IPO11: variants seen among roughly 807,000 people sequenced by gnomAD.
IPO11 encodes the protein importin 11, also known as importin-11.
A neutral mutation model predicts 143.2 loss-of-function variants in IPO11; 66 were observed. The observed-to-expected ratio is 0.46, with a 90% CI of 0.38 to 0.57. The LOEUF (loss-of-function observed/expected upper bound fraction) is 0.57, where lower values mean the gene tolerates loss of function less well. Among genes scored for constraint, IPO11 ranks in the 20% least tolerant of loss-of-function variants. The pLI is 0.00. For missense variants in IPO11, 1,026 were observed against 1,141.0 expected, an observed-to-expected ratio of 0.90 and a Z score of 1.45; for synonymous variants, 385 against 377.8, an observed-to-expected ratio of 1.02 and a Z score of -0.22.
At chr5:62,506,197 T>C (rs1344633438) in intron 18 of IPO11, 44 bp from the exon 19 acceptor site, 1 of 1,093,152 alleles carries the variant, frequency 9.1e-7, no homozygotes, top group Non-Finnish European at 1.4e-6. Flanking sequence ...AGGTCTTTCA[T>C]TTCTATTATA....
chr5:62,614,425 A>G (rs1387361564), intron 29 of IPO11, among the ~76,000 whole-genome samples: 2 of 152,226 alleles, frequency 1.3e-5, no homozygotes. Context: ...CAGCATTGTC[A>G]TTACAGGACA....
In IPO11 at chr5:62,627,532, TGA is replaced by T; in HGVS notation, c.*216_*217del. On this transcript the variant is annotated 3_prime_UTR_variant, in exon 30 of 30. Transcript: ENST00000325324. ...TCAAAAGAATTTAATTTTATATTTA[TGA>T]GGGGGCCCTTCACTAAAAAGTACAT... 2.4e-6 allele frequency: 1 copy of T among 420,812 alleles called. No individual in the cohort carries two copies. Among genetic ancestry groups the T allele is most frequent in the Non-Finnish European group, 4.1e-6 (1 of 241,050 alleles). The allele number at this position is 420,812 out of a possible 1,614,324, so 26.1% of individuals were successfully genotyped here.
chr5:62,616,719 C>CAAAAAA lies in IPO11; in HGVS notation c.2764-10414_2764-10409dup, dbSNP rs538760503. Among the ~76,000 whole-genome samples the CAAAAAA allele has an allele frequency of 1.5e-3, 130 of 84,434 alleles. 8 individuals are homozygous for CAAAAAA. The highest frequency in any genetic ancestry group is 6.2e-3 in the African/African-American group (119 of 19,340). The allele number at this position is 84,434 out of a possible 152,430, so 55.4% of individuals were successfully genotyped here. Reference sequence around the variant, plus strand: ...TGGGGCACAGGGTGAGACTCTGACTCAAAAAAAAAAAAAAAAAAAAAAAAA... The same window carrying CAAAAAA: ...TGGGGCACAGGGTGAGACTCTGACTCAAAAAAAAAAAAAAAAAAAAAAAAAAAAAAA... On this transcript the variant is annotated intron_variant, in intron 29 of 29. Coordinates refer to ENST00000325324, the MANE Select transcript of IPO11 (RefSeq NM_016338.5).
At chr5:62,424,361 G>T (rs913493160) in intron 1 of IPO11, among the ~76,000 whole-genome samples, 2 of 151,870 alleles carry the variant, frequency 1.3e-5, no homozygotes, top group Non-Finnish European at 2.9e-5. Flanking sequence ...AGATGGTCTC[G>T]ATCTTGTGAC....
chr5:62,578,586 G>T, intron 27 of IPO11: 1 of 384,564 alleles, frequency 2.6e-6, no homozygotes, highest in South Asian at 2.1e-5. Flanking sequence ...TATATTATAG[G>T]AGATATTTCA....
At chr5:62,620,423 G>A (rs1009707069) in intron 29 of IPO11, among the ~76,000 whole-genome samples, 6 of 151,826 alleles carry the variant, frequency 4.0e-5, no homozygotes, top group Non-Finnish European at 8.8e-5. Flanking sequence ...GGAGGCTGAG[G>A]CAGGAGAATG....
chr5:62,547,893 T>G (rs1455452899), intron 24 of IPO11, among the ~76,000 whole-genome samples: 1 of 152,090 alleles, frequency 6.6e-6, no homozygotes, highest in Non-Finnish European at 1.5e-5. Context: ...ACTAGATAGA[T>G]ATATAAGGTT....
intron 5 of IPO11, among the ~76,000 whole-genome samples, chr5:62,455,073 T>C (rs904615896): frequency 6.6e-6 from 1 of 152,182 alleles, no homozygotes; most frequent in Non-Finnish European, 1.5e-5. Context: ...GTGTAGTTAA[T>C]TGAAGGTAGC....
chr5:62,529,658 G>C (rs989201622), intron 21 of IPO11, among the ~76,000 whole-genome samples: 1 of 152,162 alleles, frequency 6.6e-6, no homozygotes, highest in Non-Finnish European at 1.5e-5. Context: ...AAAGGAACTG[G>C]AAGTAGACCC....
At chr5:62,609,911 C>T (rs1219946021) in intron 29 of IPO11, among the ~76,000 whole-genome samples, 1 of 152,210 alleles carries the variant, frequency 6.6e-6, no homozygotes, top group African/African-American at 2.4e-5. Flanking sequence ...AACTCGTAGT[C>T]ACATGTGTAG....
At chr5:62,518,084 G>A (rs139619818) in intron 20 of IPO11, among the ~76,000 whole-genome samples, 1 of 150,234 alleles carries the variant, frequency 6.7e-6, no homozygotes, top group Non-Finnish European at 1.5e-5. Flanking sequence ...TGGATGATCA[G>A]TTGAGGTCAG....
chr5:62,587,968 G>A (rs1358524408), intron 27 of IPO11, among the ~76,000 whole-genome samples: 6 of 152,178 alleles, frequency 3.9e-5, no homozygotes, highest in African/African-American at 1.4e-4. Context: ...TACTTCACCA[G>A]CTCTGTGTGT....
intron 1 of IPO11, among the ~76,000 whole-genome samples, chr5:62,426,684 A>G (rs556445631): frequency 1.0e-3 from 157 of 152,008 alleles, no homozygotes; most frequent in African/African-American, 3.6e-3. Flanking sequence ...TGTGTTGACT[A>G]TAAGAATGAT....
chr5:62,565,949 G>T (rs1265216649), intron 27 of IPO11, among the ~76,000 whole-genome samples: 1 of 152,150 alleles, frequency 6.6e-6, no homozygotes, highest in African/African-American at 2.4e-5. Context: ...CCCTGCAAAG[G>T]ACATGATCTC....
At chr5:62,541,917 A>G (rs1253001842) in intron 24 of IPO11, among the ~76,000 whole-genome samples, 1 of 152,158 alleles carries the variant, frequency 6.6e-6, no homozygotes, top group Admixed American at 6.5e-5. Context: ...AGATACTTGA[A>G]TTAACAAATT....
chr5:62,561,111 G>C, intron 26 of IPO11, 25 bp from the exon 27 acceptor site: 1 of 1,584,554 alleles, frequency 6.3e-7, no homozygotes, highest in Non-Finnish European at 8.6e-7. Flanking sequence ...TAGGTATTTT[G>C]AGATGCCTCC....
chr5:62,450,240 T>C (rs1355187661), intron 4 of IPO11, among the ~76,000 whole-genome samples: 1 of 152,224 alleles, frequency 6.6e-6, no homozygotes, highest in Non-Finnish European at 1.5e-5. Context: ...TTTTCAGCTT[T>C]CTCATTTTAT....
chr5:62,470,679 G>T (rs2112199042), intron 7 of IPO11, among the ~76,000 whole-genome samples: 1 of 151,108 alleles, frequency 6.6e-6, no homozygotes, highest in Non-Finnish European at 1.5e-5. Flanking sequence ...AAATAAATTT[G>T]TTTTTTTCTG....
chr5:62,609,975 AC>A, intron 29 of IPO11, among the ~76,000 whole-genome samples: 1 of 152,290 alleles, frequency 6.6e-6, no homozygotes, highest in South Asian at 2.1e-4. Context: ...TGTTGGCGAT[AC>A]TGTAATTGTA....
Sources: allele counts gnomAD v4.1 joint callset (sites outside exome capture counted in the v4.1 genomes callset), GRCh38; gene constraint gnomAD v4.1.1; transcripts MANE v1.5; gene names NCBI Gene and HGNC (gene_info 2026-07-23, HGNC 2026-07-21).